TERF1: variants seen among roughly 807,000 people sequenced by gnomAD.
TERF1 encodes the protein telomeric repeat-binding factor 1.
In TERF1, 20 loss-of-function variants were observed where a neutral mutation model predicts 55.1. That is an observed-to-expected ratio of 0.36 (90% CI 0.26 to 0.53). The LOEUF (loss-of-function observed/expected upper bound fraction) is 0.53. Among genes scored for constraint, TERF1 ranks in the 20% least tolerant of loss-of-function variants. The pLI is 0.91. For missense variants in TERF1, 439 were observed against 535.7 expected (o/e 0.82, Z 1.78); for synonymous variants, 168 against 181.2 (o/e 0.93, Z 0.59).
intron 2 of TERF1, among the ~76,000 whole-genome samples, chr8:73,016,753 A>G (rs1211762649): frequency 1.3e-5 from 2 of 152,100 alleles, no homozygotes; most frequent in Non-Finnish European, 2.9e-5. Flanking sequence ...AACTCAGCAC[A>G]TGTCCTGTGG....
intron 4 of TERF1, among the ~76,000 whole-genome samples, 183 bp from the exon 5 acceptor site, chr8:73,024,639 G>C (rs1456908583): frequency 6.7e-6 from 1 of 150,148 alleles, no homozygotes; most frequent in Admixed American, 6.6e-5. Context: ...TTTAAAATGA[G>C]GAGAGGCCAG....
At chr8:73,039,667 A>G (rs2306492) in intron 9 of TERF1, among the ~76,000 whole-genome samples, 89,785 of 151,866 alleles carry the variant, frequency 0.59, 27,631 homozygotes, top group Middle Eastern at 0.75. Flanking sequence ...TTCAGTGACT[A>G]TAGTCTTGTG....
intron 8 of TERF1, among the ~76,000 whole-genome samples, chr8:73,033,106 A>C (rs142802933): frequency 6.7e-6 from 1 of 150,176 alleles, no homozygotes; most frequent in Non-Finnish European, 1.5e-5. Context: ...TTATTTCTCC[A>C]TGCTCATAAG....
At chr8:73,036,597 C>G (rs1809521711) in intron 8 of TERF1, among the ~76,000 whole-genome samples, 1 of 151,708 alleles carries the variant, frequency 6.6e-6, no homozygotes, top group Admixed American at 6.6e-5. Flanking sequence ...GGACCCATCC[C>G]CCCGCCCCCA....
chr8:73,023,691 T>G (rs773814680), intron 4 of TERF1, among the ~76,000 whole-genome samples: 4 of 152,238 alleles, frequency 2.6e-5, no homozygotes, highest in Non-Finnish European at 5.9e-5. Context: ...AGATAAGTAC[T>G]TGACCTCACT....
At chr8:73,021,163 G>A (rs1808735178) in intron 3 of TERF1, among the ~76,000 whole-genome samples, 2 of 152,262 alleles carry the variant, frequency 1.3e-5, no homozygotes, top group Admixed American at 1.3e-4. Context: ...AATTTTAGTA[G>A]ACAGTAAGTA....
chr8:73,034,825 A>G (rs900702784), intron 8 of TERF1, among the ~76,000 whole-genome samples: 3 of 151,888 alleles, frequency 2.0e-5, no homozygotes, highest in Non-Finnish European at 4.4e-5. Flanking sequence ...GGAAGCTGAG[A>G]CTTAAAAAGG....
rs767125396 is a variant in TERF1, at chr8:73,008,921, C to G, written c.35C>G (p.Pro12Arg). 3 of 1,611,610 alleles carry G rather than the reference C, an allele frequency of 1.9e-6. No homozygotes were observed. The African/African-American group carries it at 4.0e-5, about 22-fold the overall frequency. ...AEDVSSAAPS[P>R]RGCADGRDAD... ...GATGTTTCCTCAGCGGCCCCGAGCC[C>G]GCGGGGCTGTGCGGATGGTAGGGAT... is the stretch of plus-strand genomic sequence containing the variant. Residue 12 changes from proline to arginine, a missense_variant, in exon 1 of 10, where the codon CCG becomes CGG. By Grantham distance (103) the Pro-to-Arg change is moderately radical (BLOSUM62 -2). Transcript: ENST00000276603.
At chr8:73,032,651 C>T (rs937633036) in intron 8 of TERF1, among the ~76,000 whole-genome samples, 31 of 152,016 alleles carry the variant, frequency 2.0e-4, no homozygotes, top group Non-Finnish European at 3.8e-4. Context: ...TCACCCAACG[C>T]CCCATTTCTC....
At position 73,018,612 on chromosome 8, in the gene TERF1, G is replaced by A. The variant is rs186754514; in HGVS notation, c.416-2072G>A. Among the ~76,000 whole-genome samples, 19 of 152,316 alleles carry A rather than the reference G, an allele frequency of 1.2e-4. 1 individual carries two copies. Among genetic ancestry groups the A allele is most frequent in the Non-Finnish European group, 2.6e-4 (18 of 68,024 alleles). ...AATCGCTTGAACCCAGGGGGCGGAG[G>A]TTGCAGTAAGCCGAGATCGCGTCAC... On this transcript the variant is annotated intron_variant, in intron 2 of 9. Transcript: ENST00000276603.
intron 8 of TERF1, among the ~76,000 whole-genome samples, chr8:73,035,889 TC>T (rs1343682606): frequency 1.3e-5 from 2 of 152,166 alleles, no homozygotes; most frequent in Non-Finnish European, 2.9e-5. Context: ...GTTTTGGTGT[TC>T]CATATTGTCA....
Position 73,039,183 on chromosome 8 carries a change from G to A in TERF1, c.1107G>A (p.Pro369=), listed in dbSNP as rs199608164. The change falls in exon 9 of 10, where the codon CCG becomes CCA. Residue 369 remains proline, a synonymous_variant. Coordinates refer to ENST00000276603, the MANE Select transcript of TERF1 (RefSeq NM_017489.3). ...GAATACCTGTTTCAAAGAGTCAGCC[G>A]GTAACTCCTGAAAAACATCGAGCTA... ...ESRIPVSKSQ[P]VTPEKHRARK... is the part of the protein sequence containing the mutation. 125 of 1,604,806 alleles carry A rather than the reference G, an allele frequency of 7.8e-5. 1 individual carries two copies. In the East Asian group the frequency reaches 1.2e-3, roughly 15 times the overall value.
chr8:73,013,952 G>T lies in TERF1; in HGVS notation c.377G>T (p.Cys126Phe). 6 of 1,611,030 alleles carry T rather than the reference G, an allele frequency of 3.7e-6. No homozygotes were observed. The highest frequency in any genetic ancestry group is 5.1e-6 in the Non-Finnish European group (6 of 1,179,234). The change falls in exon 2 of 10, where the codon TGT (cysteine) becomes TTT (phenylalanine). Residue 126 changes from cysteine (C) to phenylalanine (F), a missense_variant. Around this residue, in one of 4 missense-constraint regions of TERF1, gnomAD observed 95 missense variants for 167.2 expected, o/e 0.57. Transcript: ENST00000276603. ...TACQLRTIYI[C>F]QFLTRIAAGK... Reference sequence around the variant, plus strand: ...TGCCAGTTGAGAACGATATACATATGTCAGTTTTTGACAAGAATTGCAGCA... The same window carrying T: ...TGCCAGTTGAGAACGATATACATATTTCAGTTTTTGACAAGAATTGCAGCA...
chr8:73,039,288 ATTTCTG>A, intron 9 of TERF1, 69 bp downstream of exon 9: 2 of 1,167,456 alleles, frequency 1.7e-6, no homozygotes, highest in Non-Finnish European at 2.4e-6. Context: ...AATTGTGATT[ATTTCTG>A]TTCAACCTCC....
In TERF1 at chr8:73,045,941, G is replaced by A; in HGVS notation, c.1144-20G>A. ...TGAATAATTGTTTCTGTAAATAACT[G>A]TTTTACTTTTTATCAAAAGGCATGG... On this transcript the variant is annotated intron_variant, in intron 9 of 9. Coordinates refer to ENST00000276603, the MANE Select transcript of TERF1 (RefSeq NM_017489.3). 2.0e-6 allele frequency: 3 copies of A among 1,500,680 alleles called. No homozygotes were observed. Among genetic ancestry groups the A allele is most frequent in the Non-Finnish European group, 2.7e-6 (3 of 1,126,650 alleles). 93.0% of individuals were successfully genotyped at this position (1,500,680 alleles called of 1,614,324 possible).
At position 73,032,100 on chromosome 8, in the gene TERF1, A is replaced by C. The variant is rs1188174304; in HGVS notation, c.1006A>C (p.Asn336His). 8 of 1,612,024 alleles carry C rather than the reference A, an allele frequency of 5.0e-6. No homozygotes were observed. In the Admixed American group the frequency reaches 1.0e-4, roughly 20 times the overall value. ...LQHGTQQQDL[N>H]KKERRVGTPQ... ...ACATGGAACCCAGCAACAAGACCTT[A>C]ATAAGAAAGAAAGAAGAGTAGGAAC... The change falls in exon 8 of 10, where the codon AAT becomes CAT. Residue 336 changes from asparagine (N) to histidine (H), a missense_variant. Coordinates refer to ENST00000276603, the MANE Select transcript of TERF1 (RefSeq NM_017489.3).
At chr8:73,018,695 A>T (rs1563458278) in intron 2 of TERF1, among the ~76,000 whole-genome samples, 1 of 152,224 alleles carries the variant, frequency 6.6e-6, no homozygotes, top group Non-Finnish European at 1.5e-5. Flanking sequence ...ATAAGTAAAA[A>T]TAAAAATAAA....
chr8:73,028,281 C>G (rs1408094902), intron 6 of TERF1, among the ~76,000 whole-genome samples: 1 of 152,176 alleles, frequency 6.6e-6, no homozygotes, highest in Non-Finnish European at 1.5e-5. Flanking sequence ...GTGTACCAAA[C>G]AGAACTCTTC....
In TERF1 at chr8:73,020,832, T is replaced by TC. The variant is rs1586037547; in HGVS notation, c.537+27_537+28insC. ...TATGAATAAATTACTTTTATGCTTA[T>TC]TATATTTCTAGAAAATAACATTTAA... On this transcript the variant is annotated intron_variant, in intron 3 of 9. Coordinates refer to ENST00000276603, the MANE Select transcript of TERF1 (RefSeq NM_017489.3). 4 of 1,187,320 alleles carry TC rather than the reference T, an allele frequency of 3.4e-6. No homozygotes were observed. In the East Asian group the frequency reaches 1.0e-4, roughly 31 times the overall value. The allele number at this position is 1,187,320 out of a possible 1,614,324, so 73.5% of individuals were successfully genotyped here. A position where few individuals can be genotyped will look rare whatever the true frequency, so the allele number is the denominator to read the frequency against.
Sources: allele counts gnomAD v4.1 joint callset (sites outside exome capture counted in the v4.1 genomes callset), GRCh38; gene constraint gnomAD v4.1.1; regional missense constraint gnomAD v4.1.1; transcripts MANE v1.5; gene names NCBI Gene and HGNC (gene_info 2026-07-23, HGNC 2026-07-21).